The following CD109 variants were observed in gnomAD, a reference collection of about 807,000 sequenced individuals.
The protein encoded by CD109 is CD109 molecule.
In CD109, 149 loss-of-function variants were observed where a neutral mutation model predicts 165.8. That is an observed-to-expected ratio of 0.90 (90% CI 0.79 to 1.03). The LOEUF (loss-of-function observed/expected upper bound fraction) is 1.03. Among genes scored for constraint, CD109 ranks in the 50% least tolerant of loss-of-function variants. The pLI, the probability that CD109 is intolerant of heterozygous loss-of-function variation, is 0.00. For missense variants in CD109, 1,712 were observed against 1,677.8 expected, an observed-to-expected ratio of 1.02 and a Z score of -0.36; for synonymous variants, 585 against 592.1, an observed-to-expected ratio of 0.99 and a Z score of 0.18.
At chr6:73,696,355 C>T (rs1770840170) in intron 1 of CD109, 66 bp downstream of exon 1, 2 of 1,299,658 alleles carry the variant, frequency 1.5e-6, no homozygotes, top group Non-Finnish European at 9.9e-7. Flanking sequence ...GGCTCTGGGC[C>T]AGGGCTTCGG....
chr6:73,680,269 C>G, the CD109 span, among the ~76,000 whole-genome samples: 5 of 151,984 alleles, frequency 3.3e-5, no homozygotes, highest in Non-Finnish European at 7.4e-5. Context: ...ATCTGAATTG[C>G]TAGAAGTTCA....
At chr6:73,687,534 T>A in the CD109 span, among the ~76,000 whole-genome samples, 17 of 144,628 alleles carry the variant, frequency 1.2e-4, no homozygotes, top group African/African-American at 4.0e-4. Flanking sequence ...TTGTCCTTCA[T>A]GGAAACATTG....
upstream of CD109, among the ~76,000 whole-genome samples, chr6:73,692,870 G>C (rs1015467173): frequency 1.3e-5 from 2 of 152,094 alleles, no homozygotes; most frequent in African/African-American, 2.4e-5. Flanking sequence ...CACCATAATT[G>C]TGAGGCCTCC....
intron 26 of CD109, among the ~76,000 whole-genome samples, chr6:73,809,530 A>T (rs760329407): frequency 3.3e-5 from 5 of 152,166 alleles, no homozygotes; most frequent in Non-Finnish European, 7.4e-5. Context: ...TGGGAAAAGG[A>T]TGAAAATTTA....
At chr6:73,731,036 C>T (rs1365342343) in intron 4 of CD109, among the ~76,000 whole-genome samples, 1 of 151,426 alleles carries the variant, frequency 6.6e-6, no homozygotes, top group Non-Finnish European at 1.5e-5. Flanking sequence ...TTTGTGTTTG[C>T]TATTTTCTTT....
intron 20 of CD109, among the ~76,000 whole-genome samples, chr6:73,786,001 G>T (rs377055458): frequency 6.6e-6 from 1 of 151,924 alleles, no homozygotes; most frequent in Non-Finnish European, 1.5e-5. Flanking sequence ...GCACCACCAC[G>T]CCCAGCTAAT....
intron 5 of CD109, among the ~76,000 whole-genome samples, chr6:73,755,047 G>C (rs1439615023): frequency 2.0e-5 from 3 of 152,176 alleles, no homozygotes; most frequent in African/African-American, 7.2e-5. Flanking sequence ...CCATAGTCTT[G>C]TCTGTGCTGG....
In CD109 at chr6:73,769,752, C is replaced by CT. The variant is rs552225600; in HGVS notation, c.1674+1522dup. 2.3e-3 allele frequency among the ~76,000 whole-genome samples: 347 copies of CT among 152,318 alleles called. 1 individual carries two copies. The highest frequency in any genetic ancestry group is 8.2e-3 in the African/African-American group (342 of 41,568). On this transcript the variant is annotated intron_variant, in intron 14 of 32. Transcript: ENST00000287097. ...AAGTGCAAGTTGAAGCCATGGGGCT[C>CT]TGAGGTACAGAGTATAGAGTGAGAA...
At chr6:73,759,176 A>G in intron 7 of CD109, 148 bp downstream of exon 7, 1 of 611,014 alleles carries the variant, frequency 1.6e-6, no homozygotes, top group South Asian at 2.1e-5. Context: ...ATAAATAATT[A>G]AGCATGGGAC....
rs779864091 is a variant in CD109 at position 73,808,095 on chromosome 6, G to A, written c.3202G>A (p.Val1068Met). ...GYRKYQPNID[V>M]QESIHFLESE... ...TTTTTCTTCCAAGCCTAACATTGAT[G>A]TGCAAGAGTCTATCCATTTTTTGGA... Residue 1068 changes from valine to methionine, a missense_variant, in exon 26 of 33, where the codon GTG becomes ATG. Transcript: ENST00000287097. 3 of 1,612,802 alleles carry A rather than the reference G, an allele frequency of 1.9e-6. No homozygotes were observed. The highest frequency in any genetic ancestry group is 1.7e-5 in the Admixed American group (1 of 59,890).
In CD109 at chr6:73,799,881, A is replaced by T. The variant is rs1393900562; in HGVS notation, c.2879-3339A>T. On this transcript the variant is annotated intron_variant, in intron 23 of 32. Transcript: ENST00000287097. ...CAATTTTTTTTTTTTTTTTAAAGAC[A>T]GGGTGTCTCCCTTTGCCCAGGCTGA... 1.0e-4 allele frequency among the ~76,000 whole-genome samples: 15 copies of T among 147,678 alleles called. No homozygotes were observed. In the East Asian group the frequency reaches 2.8e-3, roughly 27 times the overall value.
At chr6:73,797,373 A>T (rs1451645551) in intron 23 of CD109, among the ~76,000 whole-genome samples, 8 of 152,204 alleles carry the variant, frequency 5.3e-5, no homozygotes, top group Non-Finnish European at 1.2e-4. Flanking sequence ...TTAAAGTGAG[A>T]CTCAAACCAA....
Position 73,824,968 on chromosome 6 carries a change from G to A in CD109, c.*1335G>A, listed in dbSNP as rs1389141533. Reference sequence around the variant, plus strand: ...ATGGCATTTCACTCAAGTGGACAGGGGAAAAAGTAATTGCCATGGGCTCCA... The same window carrying A: ...ATGGCATTTCACTCAAGTGGACAGGAGAAAAAGTAATTGCCATGGGCTCCA... On this transcript the variant is annotated 3_prime_UTR_variant, in exon 33 of 33. Coordinates refer to ENST00000287097, the MANE Select transcript of CD109 (RefSeq NM_133493.5). The A allele has an allele frequency of 1.3e-5, 2 of 152,168 alleles. No individual in the cohort carries two copies. Among genetic ancestry groups the A allele is most frequent in the East Asian group, 3.9e-4 (2 of 5,184 alleles). 9.4% of individuals were successfully genotyped at this position (152,168 alleles called of 1,614,324 possible).
chr6:73,818,613 G>A, intron 31 of CD109, 78 bp downstream of exon 31: 1 of 1,357,550 alleles, frequency 7.4e-7, no homozygotes, highest in Non-Finnish European at 1.0e-6. Flanking sequence ...CTTTAAGTAT[G>A]TTTTCTTTAA....
intron 23 of CD109, among the ~76,000 whole-genome samples, chr6:73,793,228 ATGGT>A (rs1025135490): frequency 6.6e-6 from 1 of 152,194 alleles, no homozygotes; most frequent in African/African-American, 2.4e-5. Context: ...AATGGAGAAG[ATGGT>A]TTGTATGTAA....
chr6:73,747,595 T>C lies in CD109; in HGVS notation c.634-9048T>C, dbSNP rs1328058787. 3.3e-5 allele frequency among the ~76,000 whole-genome samples: 5 copies of C among 152,310 alleles called. No individual in the cohort carries two copies. In the East Asian group the frequency reaches 7.7e-4, roughly 24 times the overall value. On this transcript the variant is annotated intron_variant, in intron 5 of 32. Coordinates refer to ENST00000287097, the MANE Select transcript of CD109 (RefSeq NM_133493.5). ...TGGCCTCTCTGAGAGAACCTATACC[T>C]CTGAGTTCTAGACCTTTAAAACTAT...
upstream of CD109, among the ~76,000 whole-genome samples, chr6:73,692,551 A>G (rs1187971790): frequency 6.6e-5 from 10 of 152,116 alleles, no homozygotes; most frequent in Admixed American, 3.9e-4. Context: ...ACACATAAAT[A>G]CACTTTATTT....
intron 2 of CD109, among the ~76,000 whole-genome samples, chr6:73,701,485 A>AT (rs1455578262): frequency 1.3e-5 from 2 of 151,830 alleles, no homozygotes; most frequent in Admixed American, 6.6e-5. Context: ...CTCTTCCCAT[A>AT]TTTTTTTTCT....
At chr6:73,706,408 G>A (rs978306963) in intron 2 of CD109, among the ~76,000 whole-genome samples, 2 of 152,268 alleles carry the variant, frequency 1.3e-5, no homozygotes, top group African/African-American at 4.8e-5. Context: ...GGAAAGGGCT[G>A]TTTACGATGA....
Sources: gnomAD v4.1 joint callset for allele counts (sites outside exome capture counted in the v4.1 genomes callset) on GRCh38, gnomAD v4.1.1 for gene constraint, MANE v1.5 for transcripts, NCBI Gene and HGNC (gene_info 2026-07-23, HGNC 2026-07-21) for gene names.